HJURP: variants seen among roughly 807,000 people sequenced by gnomAD.
The protein encoded by HJURP is 14-3-3-associated AKT substrate.
A neutral mutation model predicts 72.0 loss-of-function variants in HJURP; 49 were observed. The ratio of observed to expected loss-of-function variants is 0.68; its 90% CI spans 0.54 to 0.86. The LOEUF is 0.86. HJURP is among the 40% of genes least tolerant of loss of function. The pLI is 0.00. For synonymous variants in HJURP, 357 were observed against 347.1 expected, an observed-to-expected ratio of 1.03 and a Z score of -0.32; for missense variants, 908 against 936.3, an observed-to-expected ratio of 0.97 and a Z score of 0.39.
chr2:233,840,818 A>C lies in HJURP; in HGVS notation c.1962T>G (p.Thr654=), dbSNP rs766695756. 4 of 1,613,492 alleles carry C rather than the reference A, an allele frequency of 2.5e-6. No homozygotes were observed. ...ATGTAGATGAAGGAGCCTCAATTGC[A>C]GTTGAGCCCAGTAGACTTTTTCTGC... ...LGCRKSLLGS[T]AIEAPSSTCV... The change falls in exon 8 of 9, where the codon ACT becomes ACG. Residue 654 remains threonine (T), a synonymous_variant. Transcript: ENST00000411486.
intron 8 of HJURP, among the ~76,000 whole-genome samples, chr2:233,839,661 G>T (rs1445517029): frequency 6.6e-6 from 1 of 152,232 alleles, no homozygotes; most frequent in African/African-American, 2.4e-5. Flanking sequence ...AGGAGCCAGT[G>T]GCTGAGAAGG....
rs1020046546 is a variant in HJURP at position 233,840,509 on chromosome 2, G to C, written c.2171+100C>G. ...ATCACGTATGTAAGAATTCGGCTGA[G>C]ATTCACTAAACGTGGCGCAAAGATT... On this transcript the variant is annotated intron_variant, in intron 8 of 8. Coordinates refer to ENST00000411486, the MANE Select transcript of HJURP (RefSeq NM_018410.5). The C allele has an allele frequency of 1.4e-5, 17 of 1,236,424 alleles. 1 individual carries two copies. Among genetic ancestry groups the C allele is most frequent in the Middle Eastern group, 2.0e-4 (1 of 5,062 alleles). The allele number at this position is 1,236,424 out of a possible 1,614,324, so 76.6% of individuals were successfully genotyped here. A position where few individuals can be genotyped will look rare whatever the true frequency, so the allele number is the denominator to read the frequency against.
At chr2:233,838,079 C>A (rs182599021) in intron 8 of HJURP, among the ~76,000 whole-genome samples, 1 of 152,210 alleles carries the variant, frequency 6.6e-6, no homozygotes. Context: ...GCCTGGCACA[C>A]AGAGAGCACT....
chr2:233,837,440 A>G lies in HJURP; in HGVS notation c.*137T>C. ...CACCAAGAACTCGAGGTTATCTCTG[A>G]TGGAACCAATTTCACTAATATTTAC... On this transcript the variant is annotated 3_prime_UTR_variant, in exon 9 of 9. Transcript: ENST00000411486. 3.0e-6 allele frequency: 2 copies of G among 665,880 alleles called. No individual in the cohort carries two copies. The highest frequency in any genetic ancestry group is 3.4e-5 in the South Asian group (2 of 58,276). The allele number at this position is 665,880 out of a possible 1,614,324, so 41.2% of individuals were successfully genotyped here.
intron 7 of HJURP, among the ~76,000 whole-genome samples, chr2:233,842,828 T>C (rs1028940391): frequency 6.6e-6 from 1 of 152,244 alleles, no homozygotes; most frequent in African/African-American, 2.4e-5. Flanking sequence ...TATTTTATGC[T>C]GTACAATTGA....
At position 233,842,205 on chromosome 2, in the gene HJURP, C is replaced by A; in HGVS notation, c.575G>T (p.Gly192Val). The stretch of plus-strand genomic sequence containing the variant: ...CTTTCTGGAGATACGACTGCAGTAT[C>A]CTGGGAGAAAAGATACACATAAAGT... ...SLASPAVPAP[G>V]YCSRISRKSP... is the part of the protein sequence containing the mutation. Residue 192 changes from glycine to valine, a missense_variant and splice_region_variant, in exon 8 of 9, where the codon GGA (glycine) becomes GTA (valine). Transcript: ENST00000411486. The A allele has an allele frequency of 6.3e-7, 1 of 1,598,958 alleles. No homozygotes were observed. The highest frequency in any genetic ancestry group is 8.5e-7 in the Non-Finnish European group (1 of 1,172,804).
In HJURP at chr2:233,837,211, G is replaced by A. The variant is rs532794696; in HGVS notation, c.*366C>T. 2.2e-5 allele frequency: 5 copies of A among 222,448 alleles called. No homozygotes were observed. The highest frequency in any genetic ancestry group is 6.7e-5 in the South Asian group (1 of 14,992). 13.8% of individuals were successfully genotyped at this position (222,448 alleles called of 1,614,324 possible). A position where few individuals can be genotyped will look rare whatever the true frequency, so the allele number is the denominator to read the frequency against. On this transcript the variant is annotated 3_prime_UTR_variant, in exon 9 of 9. Coordinates refer to ENST00000411486, the MANE Select transcript of HJURP (RefSeq NM_018410.5). Reference sequence around the variant, plus strand: ...TGAGGCAGAAGAATCGCTTGAACCCGGGAGGCGGAAGTTGCAGTGAGCCAA... The same window carrying A: ...TGAGGCAGAAGAATCGCTTGAACCCAGGAGGCGGAAGTTGCAGTGAGCCAA...
chr2:233,853,453 G>A (rs10204079), intron 2 of HJURP, among the ~76,000 whole-genome samples: 10,731 of 152,246 alleles, frequency 0.07, 417 homozygotes, highest in Middle Eastern at 0.092. Context: ...AGTGCGGGGC[G>A]GGGTACTGTT....
At chr2:233,849,285 A>G (rs1327996099) in intron 4 of HJURP, among the ~76,000 whole-genome samples, 2 of 152,112 alleles carry the variant, frequency 1.3e-5, no homozygotes, top group Non-Finnish European at 2.9e-5. Flanking sequence ...CTAAATACCG[A>G]CGGATGGATC....
Position 233,842,218 on chromosome 2 carries a change from A to T in HJURP, c.575-13T>A, listed in dbSNP as rs1254559201. 5 of 1,587,256 alleles carry T rather than the reference A, an allele frequency of 3.2e-6. No homozygotes were observed. The highest frequency in any genetic ancestry group is 1.7e-4 in the Middle Eastern group (1 of 5,896). ...CGACTGCAGTATCCTGGGAGAAAAG[A>T]TACACATAAAGTAAAGGTGTGTTAC... On this transcript the variant is annotated splice_polypyrimidine_tract_variant and intron_variant, in intron 7 of 8. Transcript: ENST00000411486.
At chr2:233,849,166 T>C (rs1259104334) in intron 4 of HJURP, among the ~76,000 whole-genome samples, 1 of 152,124 alleles carries the variant, frequency 6.6e-6, no homozygotes, top group African/African-American at 2.4e-5. Context: ...AGCAGGTTAT[T>C]TCACTCTGGT....
At chr2:233,854,319 C>G in intron 1 of HJURP, 65 bp downstream of exon 1, 1 of 1,151,866 alleles carries the variant, frequency 8.7e-7, no homozygotes, top group Non-Finnish European at 1.3e-6. Context: ...TCCCGTCCTA[C>G]GTCCCCTCCC....
rs1256291229 is a variant in HJURP at position 233,843,283 on chromosome 2, C to G, written c.574+922G>C. ...GGCTTCTAAGTCACTGGGTGAGAAG[C>G]TTTTAGAGAAAAGGTTCCTAGGAGA... On this transcript the variant is annotated intron_variant, in intron 7 of 8. Transcript: ENST00000411486. Among the ~76,000 whole-genome samples the G allele has an allele frequency of 2.0e-5, 3 of 152,044 alleles. No homozygotes were observed. The East Asian group carries it at 5.8e-4, about 29-fold the overall frequency.
At chr2:233,839,564 T>C (rs1393330330) in intron 8 of HJURP, among the ~76,000 whole-genome samples, 1 of 152,184 alleles carries the variant, frequency 6.6e-6, no homozygotes, top group Non-Finnish European at 1.5e-5. Context: ...GTCTCTGCCA[T>C]GCACAGGCGG....
chr2:233,844,219 G>T lies in HJURP; in HGVS notation c.560C>A (p.Ala187Asp), dbSNP rs917224656. Residue 187 changes from alanine to aspartate, a missense_variant, in exon 7 of 9, where the codon GCC (alanine) becomes GAC (aspartate). Around this residue, in one of 3 missense-constraint regions of HJURP, gnomAD observed 299 missense variants for 286.7 expected, o/e 1.04. Transcript: ENST00000411486. ...GTCACACTCACCGGGGGCAGGCACGGCAGGTGAGGCCAGTGAAGGCAGCGG... is the reference window on the plus strand; with the variant it reads ...GTCACACTCACCGGGGGCAGGCACGTCAGGTGAGGCCAGTGAAGGCAGCGG... ...VTPLPSLASP[A>D]VPAPGYCSRI... 6.2e-6 allele frequency: 10 copies of T among 1,613,802 alleles called. No homozygotes were observed. Among genetic ancestry groups the T allele is most frequent in the Non-Finnish European group, 8.5e-6 (10 of 1,179,786 alleles).
At chr2:233,842,588 A>AT (rs953262419) in intron 7 of HJURP, among the ~76,000 whole-genome samples, 20 of 77,750 alleles carry the variant, frequency 2.6e-4, no homozygotes, top group South Asian at 1.5e-3. Flanking sequence ...TGTTTCCTAT[A>AT]TTTAAAAAAA....
At position 233,841,760 on chromosome 2, in the gene HJURP, GC is replaced by G. The variant is rs781370238; in HGVS notation, c.1019del (p.Cys340SerfsTer5). 3.7e-6 allele frequency: 6 copies of G among 1,614,154 alleles called. No homozygotes were observed. The South Asian group carries it at 6.6e-5, about 18-fold the overall frequency. ...PVKGTGALRD[C>X]KNVLDVSCRK... ...GGCAAGAAACATCTAATACGTTCTTGCAATCTCTTAATGCCCCTGTCCCTTT... is the reference window on the plus strand; with the variant it reads ...GGCAAGAAACATCTAATACGTTCTTGAATCTCTTAATGCCCCTGTCCCTTT... On this transcript the variant is annotated frameshift_variant, in exon 8 of 9. Coordinates refer to ENST00000411486, the MANE Select transcript of HJURP (RefSeq NM_018410.5). LOFTEE classifies it high-confidence loss of function.
Position 233,845,772 on chromosome 2 carries a change from A to G in HJURP, c.451T>C (p.Leu151=), listed in dbSNP as rs202159987. ...TGTAGCAGTATATCCACTTGGGTCA[A>G]GTATTTCCTTCTTAATTCATTTTTC... ...PLKNELRRKY[L]TQVDILLQGA... The change falls in exon 6 of 9, where the codon TTG becomes CTG. Residue 151 remains leucine, a synonymous_variant. Transcript: ENST00000411486. 9.9e-6 allele frequency: 16 copies of G among 1,613,432 alleles called. No homozygotes were observed. The highest frequency in any genetic ancestry group is 1.3e-5 in the African/African-American group (1 of 74,930).
In HJURP at chr2:233,851,140, T is replaced by C. The variant is rs570207442; in HGVS notation, c.241-1281A>G. ...CAAAAACCTTAAATAAATCTTTAAA[T>C]GAAAACTTTTTGCTACCAGGACCAT... On this transcript the variant is annotated intron_variant, in intron 3 of 8. Coordinates refer to ENST00000411486, the MANE Select transcript of HJURP (RefSeq NM_018410.5). Among the ~76,000 whole-genome samples, 13 of 152,328 alleles carry C rather than the reference T, an allele frequency of 8.5e-5. No individual in the cohort carries two copies. In the East Asian group the frequency reaches 2.5e-3, roughly 29 times the overall value.
Sources: allele counts gnomAD v4.1 joint callset (sites outside exome capture counted in the v4.1 genomes callset), GRCh38; gene constraint gnomAD v4.1.1; regional missense constraint gnomAD v4.1.1; transcripts MANE v1.5; gene names NCBI Gene and HGNC (gene_info 2026-07-23, HGNC 2026-07-21).